The following WDFY2 variants were observed in gnomAD, a reference collection of about 807,000 sequenced individuals.
WDFY2 encodes WD repeat and FYVE domain-containing protein 2.
WDFY2 carries 36 observed loss-of-function variants against 56.4 expected under a neutral mutation model. That is an observed-to-expected ratio of 0.64 (90% CI 0.49 to 0.84). The LOEUF is 0.84. Ranked by LOEUF, WDFY2 falls within the 40% of genes least tolerant of loss-of-function variation. WDFY2 has a pLI of 0.00. For synonymous variants in WDFY2, 176 were observed against 183.7 expected (o/e 0.96, Z 0.34); for missense variants, 444 against 512.2 (o/e 0.87, Z 1.29).
At chr13:51,699,909 A>C (rs140387538) in intron 3 of WDFY2, among the ~76,000 whole-genome samples, 1,974 of 152,328 alleles carry the variant, frequency 0.013, 23 homozygotes, top group Middle Eastern at 0.024. Context: ...TAGCAGACAA[A>C]TGGAATGTCC....
At chr13:51,756,252 T>C (rs1953377604) in intron 9 of WDFY2, 80 bp from the exon 10 acceptor site, 5 of 1,537,188 alleles carry the variant, frequency 3.3e-6, no homozygotes, top group Non-Finnish European at 4.4e-6. Flanking sequence ...ATTACACCTC[T>C]CTGCCAGGAG....
At chr13:51,740,248 T>G (rs564967468) in intron 7 of WDFY2, among the ~76,000 whole-genome samples, 5 of 152,366 alleles carry the variant, frequency 3.3e-5, no homozygotes. Context: ...AAGCCCTTCT[T>G]TCTCATGTTG....
chr13:51,691,804 C>T lies in WDFY2; in HGVS notation c.280-11792C>T, dbSNP rs909140920. Among the ~76,000 whole-genome samples the T allele has an allele frequency of 2.8e-3, 428 of 152,028 alleles. 1 individual carries two copies. The highest frequency in any genetic ancestry group is 1.0e-2 in the African/African-American group (414 of 41,436). ...ACCTTGGGCAGTGTGGCCATTATCA[C>T]GATATTGATTCTTCCTACCCATGAG... On this transcript the variant is annotated intron_variant, in intron 3 of 11. Transcript: ENST00000298125.
Position 51,712,027 on chromosome 13 carries a change from C to G in WDFY2, c.335-7171C>G, listed in dbSNP as rs552955733. Among the ~76,000 whole-genome samples, 3 of 152,168 alleles carry G rather than the reference C, an allele frequency of 2.0e-5. No homozygotes were observed. The South Asian group carries it at 6.2e-4, about 32-fold the overall frequency. ...GTGGCACTATTCACAATAGCAAATA[C>G]CAAAGATTTGGAACCAACCCAAATG... On this transcript the variant is annotated intron_variant, in intron 4 of 11. Coordinates refer to ENST00000298125, the MANE Select transcript of WDFY2 (RefSeq NM_052950.4).
At position 51,584,570 on chromosome 13, in the gene WDFY2, C is replaced by A. The variant is rs908870628; in HGVS notation, c.-118C>A. 1.0e-5 allele frequency: 14 copies of A among 1,357,636 alleles called. No homozygotes were observed. The highest frequency in any genetic ancestry group is 3.9e-6 in the Non-Finnish European group (4 of 1,031,544). 84.1% of individuals were successfully genotyped at this position (1,357,636 alleles called of 1,614,324 possible). A position where few individuals can be genotyped will look rare whatever the true frequency, so the allele number is the denominator to read the frequency against. Reference sequence around the variant, plus strand: ...CCAGGCTATGCTCGCCGGTTTCCGGCGTTCCGCTCCGGCCAGCCAGAGTCT... The same window carrying A: ...CCAGGCTATGCTCGCCGGTTTCCGGAGTTCCGCTCCGGCCAGCCAGAGTCT... On this transcript the variant is annotated 5_prime_UTR_variant, in exon 1 of 12. Transcript: ENST00000298125.
At chr13:51,721,012 G>GT (rs1312562727) in intron 5 of WDFY2, among the ~76,000 whole-genome samples, 1 of 151,926 alleles carries the variant, frequency 6.6e-6, no homozygotes, top group Non-Finnish European at 1.5e-5. Context: ...GTCACTATGC[G>GT]TGGTGATGGA....
chr13:51,635,563 C>G (rs1383678231), intron 1 of WDFY2, among the ~76,000 whole-genome samples: 1 of 152,176 alleles, frequency 6.6e-6, no homozygotes, highest in Non-Finnish European at 1.5e-5. Flanking sequence ...ATTTCTTCCT[C>G]TCTCTGAGCA....
intron 3 of WDFY2, among the ~76,000 whole-genome samples, chr13:51,692,720 G>C (rs1467744371): frequency 3.9e-5 from 6 of 152,170 alleles, no homozygotes; most frequent in Non-Finnish European, 7.3e-5. Context: ...AAATGAGTTA[G>C]GGAGGATTCC....
At chr13:51,758,367 A>C (rs1953467066) in intron 11 of WDFY2, 67 bp downstream of exon 11, 8 of 1,204,694 alleles carry the variant, frequency 6.6e-6, no homozygotes, top group Middle Eastern at 2.0e-4. Flanking sequence ...GAGCACCAAG[A>C]ACATGGGAGG....
intron 3 of WDFY2, among the ~76,000 whole-genome samples, chr13:51,700,480 T>G (rs1951959051): frequency 6.6e-6 from 1 of 152,218 alleles, no homozygotes; most frequent in African/African-American, 2.4e-5. Flanking sequence ...TATTAACAGA[T>G]AAAATCTTTT....
intron 6 of WDFY2, among the ~76,000 whole-genome samples, chr13:51,732,798 A>G (rs114657158): frequency 1.3e-3 from 205 of 152,346 alleles, no homozygotes; most frequent in African/African-American, 4.6e-3. Flanking sequence ...TCCGCTCTCT[A>G]TGTATATGAT....
chr13:51,756,731 A>C, intron 10 of WDFY2: 1 of 785,892 alleles, frequency 1.3e-6, no homozygotes, highest in Non-Finnish European at 1.5e-6. Flanking sequence ...CTCCCAGAAC[A>C]AACCCTTCTG....
chr13:51,637,081 G>A (rs1279995935), intron 1 of WDFY2, among the ~76,000 whole-genome samples: 1 of 152,184 alleles, frequency 6.6e-6, no homozygotes, highest in African/African-American at 2.4e-5. Context: ...ATTTGAAAAG[G>A]ACTGCCTGGC....
intron 1 of WDFY2, among the ~76,000 whole-genome samples, chr13:51,643,335 G>A (rs1955208178): frequency 6.6e-6 from 1 of 152,118 alleles, no homozygotes; most frequent in South Asian, 2.1e-4. Flanking sequence ...GTAGCAGCCA[G>A]GGGCATCCTC....
chr13:51,651,510 G>A (rs551170350), intron 1 of WDFY2, among the ~76,000 whole-genome samples: 3 of 152,062 alleles, frequency 2.0e-5, no homozygotes, highest in South Asian at 4.2e-4. Context: ...GTGATGTTAG[G>A]GTGTCAATTT....
At chr13:51,694,384 G>A (rs1951816624) in intron 3 of WDFY2, among the ~76,000 whole-genome samples, 1 of 152,104 alleles carries the variant, frequency 6.6e-6, no homozygotes. Context: ...GCCTGGTGGT[G>A]ACAAAATCTC....
intron 1 of WDFY2, among the ~76,000 whole-genome samples, chr13:51,622,442 G>A (rs1954749828): frequency 6.6e-6 from 1 of 152,184 alleles, no homozygotes; most frequent in Admixed American, 6.5e-5. Flanking sequence ...GTAAATGACT[G>A]TTCTTTACTT....
intron 1 of WDFY2, among the ~76,000 whole-genome samples, chr13:51,658,866 T>C (rs1477384515): frequency 6.6e-6 from 1 of 152,134 alleles, no homozygotes; most frequent in African/African-American, 2.4e-5. Context: ...ATGTTCTTTC[T>C]TTATTATATC....
In WDFY2 at chr13:51,633,239, C is replaced by T. The variant is rs552422924; in HGVS notation, c.138-27357C>T. Among the ~76,000 whole-genome samples the T allele has an allele frequency of 4.2e-3, 641 of 152,322 alleles. 3 individuals are homozygous for T. Among genetic ancestry groups the T allele is most frequent in the Non-Finnish European group, 5.5e-3 (377 of 68,034 alleles). ...GCCTGGCCTCCAGCCTCTGCTCCAA[C>T]CCTGGAGCTGTCAGTAGGCTCTGAA... is the stretch of plus-strand genomic sequence containing the variant. On this transcript the variant is annotated intron_variant, in intron 1 of 11. Transcript: ENST00000298125.
Sources: gnomAD v4.1 joint callset for allele counts (sites outside exome capture counted in the v4.1 genomes callset) on GRCh38, gnomAD v4.1.1 for gene constraint, MANE v1.5 for transcripts, NCBI Gene and HGNC (gene_info 2026-07-23, HGNC 2026-07-21) for gene names.